The following FAM135B variants were observed in gnomAD, a reference collection of about 807,000 sequenced individuals.
The protein encoded by FAM135B is protein FAM135B.
FAM135B carries 43 observed loss-of-function variants against 127.7 expected under a neutral mutation model. The ratio of observed to expected loss-of-function variants is 0.34; its 90% CI spans 0.26 to 0.43. The LOEUF (loss-of-function observed/expected upper bound fraction) is 0.43. FAM135B is among the 20% of genes least tolerant of loss of function. The probability of loss-of-function intolerance (pLI) is 1.00; values close to 1 mark genes in which losing one functional copy is unlikely to be tolerated. For synonymous variants in FAM135B, 670 were observed against 665.1 expected, an observed-to-expected ratio of 1.01 and a Z score of -0.11; for missense variants, 1,558 against 1,725.6, an observed-to-expected ratio of 0.90 and a Z score of 1.72.
intron 1 of FAM135B, among the ~76,000 whole-genome samples, chr8:138,371,228 G>A (rs1316946687): frequency 6.6e-6 from 1 of 152,164 alleles, no homozygotes; most frequent in Non-Finnish European, 1.5e-5. Flanking sequence ...GTGTCTTCAT[G>A]ATCAGTAGGG....
intron 1 of FAM135B, among the ~76,000 whole-genome samples, chr8:138,461,959 G>A (rs1050211588): frequency 2.0e-5 from 3 of 151,842 alleles, no homozygotes; most frequent in African/African-American, 7.3e-5. Context: ...TGACACAGAT[G>A]AGCTGTCAGC....
At chr8:138,320,465 C>CA (rs1476270926) in intron 2 of FAM135B, among the ~76,000 whole-genome samples, 6 of 152,234 alleles carry the variant, frequency 3.9e-5, no homozygotes, top group African/African-American at 1.2e-4. Flanking sequence ...ACTCTTATCA[C>CA]AGGGGCCCAG....
rs550454529 is a variant in FAM135B at position 138,219,985 on chromosome 8, C to T, written c.670-22316G>A. Among the ~76,000 whole-genome samples the T allele has an allele frequency of 3.9e-5, 6 of 151,912 alleles. No individual in the cohort carries two copies. In the East Asian group the frequency reaches 1.2e-3, roughly 29 times the overall value. On this transcript the variant is annotated intron_variant, in intron 7 of 19. Coordinates refer to ENST00000395297, the MANE Select transcript of FAM135B (RefSeq NM_015912.4). Reference sequence around the variant, plus strand: ...TCATTTTTTTCTCACCCCAAACATACTGATTGTTCTTGTTAATATTATTTC... The same window carrying T: ...TCATTTTTTTCTCACCCCAAACATATTGATTGTTCTTGTTAATATTATTTC...
intron 7 of FAM135B, among the ~76,000 whole-genome samples, chr8:138,233,980 A>T (rs1820088602): frequency 6.6e-6 from 1 of 152,226 alleles, no homozygotes; most frequent in African/African-American, 2.4e-5. Flanking sequence ...AAACAAAATG[A>T]GATATCAATT....
chr8:138,493,708 G>A (rs74471499), intron 1 of FAM135B, among the ~76,000 whole-genome samples: 3,010 of 152,178 alleles, frequency 0.02, 142 homozygotes, highest in East Asian at 0.18. Context: ...TTTCTAGGAC[G>A]AAAATTAAGG....
intron 19 of FAM135B, among the ~76,000 whole-genome samples, chr8:138,135,946 C>T (rs1041863179): frequency 6.6e-6 from 1 of 151,826 alleles, no homozygotes; most frequent in African/African-American, 2.4e-5. Flanking sequence ...CATGAAGAGA[C>T]AGACTAGAAG....
chr8:138,247,212 T>C (rs7464412), intron 6 of FAM135B, among the ~76,000 whole-genome samples: 102,431 of 152,144 alleles, frequency 0.67, 35,188 homozygotes, highest in African/African-American at 0.78. Flanking sequence ...TAGAAAGGCA[T>C]GATTGTGTTT....
At chr8:138,251,728 A>G (rs965698595) in intron 5 of FAM135B, among the ~76,000 whole-genome samples, 10 of 152,112 alleles carry the variant, frequency 6.6e-5, no homozygotes, top group Admixed American at 4.6e-4. Context: ...TTAAAAGAAC[A>G]TTGGTTGTTG....
chr8:138,374,782 C>T (rs896595894), intron 1 of FAM135B, among the ~76,000 whole-genome samples: 16 of 152,148 alleles, frequency 1.1e-4, no homozygotes, highest in Admixed American at 5.2e-4. Flanking sequence ...CCACTTCTGT[C>T]GGGCTGAGTC....
rs1238453219 is a variant in FAM135B at position 138,132,568 on chromosome 8, C to G, written c.*25G>C. The G allele has an allele frequency of 1.3e-6, 2 of 1,594,152 alleles. No homozygotes were observed. Among genetic ancestry groups the G allele is most frequent in the Non-Finnish European group, 1.7e-6 (2 of 1,162,148 alleles). ...AGCTCTCCACCGATCGTAAGCATTA[C>G]CAAAGACCTGCTCCCTCAAAGCCAC... On this transcript the variant is annotated 3_prime_UTR_variant, in exon 20 of 20. Transcript: ENST00000395297. This position sits in a 1 kb window ranked among gnomAD's most constrained non-coding sequence, Gnocchi z 4.5.
At position 138,265,753 on chromosome 8, in the gene FAM135B, T is replaced by C. The variant is rs767767796; in HGVS notation, c.247A>G (p.Ile83Val). ...ACTCGGAAGACCACAGCATCATTTA[T>C]GGGTACCTCTTCATTCCGGTATAAG... ...QILYRNEEVP[I>V]NDAVVFRVHL... is the part of the protein sequence containing the mutation. The change falls in exon 4 of 20, where the codon ATA (isoleucine) becomes GTA (valine). Residue 83 changes from isoleucine (I) to valine (V), a missense_variant. Ile to Val is a conservative substitution (Grantham distance 29, BLOSUM62 3). Transcript: ENST00000395297. The C allele has an allele frequency of 6.3e-5, 102 of 1,613,996 alleles. No homozygotes were observed. The highest frequency in any genetic ancestry group is 8.2e-5 in the Non-Finnish European group (97 of 1,180,010).
chr8:138,361,939 C>A (rs1429915095), intron 2 of FAM135B, among the ~76,000 whole-genome samples: 1 of 152,130 alleles, frequency 6.6e-6, no homozygotes, highest in Non-Finnish European at 1.5e-5. Context: ...ATCTACCATG[C>A]ATATGATGGC....
intron 9 of FAM135B, among the ~76,000 whole-genome samples, chr8:138,187,569 T>C (rs745705726): frequency 6.6e-6 from 1 of 152,190 alleles, no homozygotes; most frequent in Non-Finnish European, 1.5e-5. Flanking sequence ...CACTGGGAAA[T>C]TGGGTCTTTA....
chr8:138,325,917 G>A (rs942930316), intron 2 of FAM135B, among the ~76,000 whole-genome samples: 1 of 152,098 alleles, frequency 6.6e-6, no homozygotes, highest in Non-Finnish European at 1.5e-5. Context: ...GAGCTTTAAC[G>A]AATGGTGGGT....
At chr8:138,485,978 T>C (rs1396754145) in intron 1 of FAM135B, among the ~76,000 whole-genome samples, 1 of 152,068 alleles carries the variant, frequency 6.6e-6, no homozygotes, top group Non-Finnish European at 1.5e-5. Flanking sequence ...AGGGGTCACC[T>C]ACTTAGACTT....
chr8:138,339,380 TA>T (rs1828874551), intron 2 of FAM135B, among the ~76,000 whole-genome samples: 2 of 110,848 alleles, frequency 1.8e-5, no homozygotes, highest in Admixed American at 8.7e-5. Flanking sequence ...TATATATATA[TA>T]TATTTTAAAA....
intron 7 of FAM135B, among the ~76,000 whole-genome samples, chr8:138,224,598 T>C (rs891280464): frequency 6.6e-6 from 1 of 152,178 alleles, no homozygotes; most frequent in Non-Finnish European, 1.5e-5. Flanking sequence ...AGAATAGTAC[T>C]ACACTGTAGC....
At chr8:138,471,505 T>C (rs1468292758) in intron 1 of FAM135B, among the ~76,000 whole-genome samples, 1 of 152,132 alleles carries the variant, frequency 6.6e-6, no homozygotes, top group East Asian at 1.9e-4. Flanking sequence ...AAACGATGAC[T>C]TTTGCTTCTG....
At chr8:138,409,050 T>C (rs746091732) in intron 1 of FAM135B, among the ~76,000 whole-genome samples, 1 of 152,206 alleles carries the variant, frequency 6.6e-6, no homozygotes, top group Non-Finnish European at 1.5e-5. Flanking sequence ...TTGACTACTG[T>C]TTGGCAAAAG....
Sources: allele counts gnomAD v4.1 joint callset (sites outside exome capture counted in the v4.1 genomes callset), GRCh38; gene constraint gnomAD v4.1.1; non-coding constraint Gnocchi (gnomAD v3.1); transcripts MANE v1.5; gene names NCBI Gene and HGNC (gene_info 2026-07-23, HGNC 2026-07-21).